SLC9C1: variants seen among roughly 807,000 people sequenced by gnomAD.
The protein encoded by SLC9C1 is solute carrier family 9 member C1.
A neutral mutation model predicts 140.9 loss-of-function variants in SLC9C1; 97 were observed. That is an observed-to-expected ratio of 0.69 (90% CI 0.58 to 0.82). The LOEUF (loss-of-function observed/expected upper bound fraction) is 0.82, where lower values mean the gene tolerates loss of function less well. Among genes scored for constraint, SLC9C1 ranks in the 40% least tolerant of loss-of-function variants. The probability of loss-of-function intolerance (pLI) is 0.00; values close to 1 mark genes in which losing one functional copy is unlikely to be tolerated. For synonymous variants in SLC9C1, 440 were observed against 442.6 expected (o/e 0.99, Z 0.07); for missense variants, 1,340 against 1,389.3 (o/e 0.96, Z 0.56).
chr3:112,181,902 T>C (rs542933531), intron 21 of SLC9C1, among the ~76,000 whole-genome samples: 1 of 151,950 alleles, frequency 6.6e-6, no homozygotes, highest in Non-Finnish European at 1.5e-5. Flanking sequence ...TCAGTATAAA[T>C]AGAGTATAGA....
At chr3:112,155,471 G>T (rs1400247303) in intron 26 of SLC9C1, among the ~76,000 whole-genome samples, 3 of 152,234 alleles carry the variant, frequency 2.0e-5, no homozygotes, top group Middle Eastern at 6.8e-3. Flanking sequence ...GTAAAAACAG[G>T]ACTGTGTGTA....
chr3:112,177,106 A>C (rs1244564420), intron 23 of SLC9C1, among the ~76,000 whole-genome samples: 1 of 148,418 alleles, frequency 6.7e-6, no homozygotes, highest in East Asian at 2.0e-4. Flanking sequence ...TCCTGGGTTC[A>C]AGTGATTCTC....
chr3:112,161,410 C>T (rs1164791362), intron 26 of SLC9C1, among the ~76,000 whole-genome samples: 6 of 152,138 alleles, frequency 3.9e-5, no homozygotes, highest in Admixed American at 2.6e-4. Flanking sequence ...TTAGGTCTAA[C>T]GTTTAAGTCT....
At chr3:112,161,934 C>G (rs1239406634) in intron 26 of SLC9C1, among the ~76,000 whole-genome samples, 2 of 151,696 alleles carry the variant, frequency 1.3e-5, no homozygotes, top group African/African-American at 4.9e-5. Flanking sequence ...TTTGTATCCT[C>G]TTTTATTTCC....
chr3:112,283,876 C>A (rs936170458), intron 2 of SLC9C1, among the ~76,000 whole-genome samples: 1 of 147,532 alleles, frequency 6.8e-6, no homozygotes, highest in African/African-American at 2.5e-5. Context: ...GCATCATGAT[C>A]GGTCGCCTAT....
At chr3:112,225,762 C>G (rs1405664679) in intron 13 of SLC9C1, among the ~76,000 whole-genome samples, 1 of 63,320 alleles carries the variant, frequency 1.6e-5, no homozygotes, top group African/African-American at 4.8e-5. Flanking sequence ...CAAAAATGAT[C>G]AGGAGTAGTT....
At position 112,179,461 on chromosome 3, in the gene SLC9C1, A is replaced by G. The variant is rs564375215; in HGVS notation, c.2919+70T>C. The G allele has an allele frequency of 2.7e-6, 4 of 1,481,832 alleles. No individual in the cohort carries two copies. The African/African-American group carries it at 5.8e-5, about 21-fold the overall frequency. 91.8% of individuals were successfully genotyped at this position (1,481,832 alleles called of 1,614,324 possible). On this transcript the variant is annotated intron_variant, in intron 23 of 28. Transcript: ENST00000305815. ...ACTAGACTGTAAACTTATACTAAAT[A>G]CTAAAATAACCTTAAATCTGATATT...
chr3:112,288,510 A>G (rs905440435), intron 1 of SLC9C1, among the ~76,000 whole-genome samples: 3 of 152,200 alleles, frequency 2.0e-5, no homozygotes, highest in Non-Finnish European at 2.9e-5. Context: ...TAATCCCAAC[A>G]TTTTGGGAGG....
intron 10 of SLC9C1, among the ~76,000 whole-genome samples, chr3:112,259,777 G>C (rs1291163631): frequency 6.6e-6 from 1 of 151,982 alleles, no homozygotes; most frequent in African/African-American, 2.4e-5. Context: ...CTAAAATAAA[G>C]TTTTACAAAA....
At chr3:112,169,174 A>G (rs1248175287) in intron 24 of SLC9C1, 23 bp downstream of exon 24, 1 of 1,600,370 alleles carries the variant, frequency 6.2e-7, no homozygotes, top group Non-Finnish European at 8.5e-7. Flanking sequence ...AAAGAAAGAC[A>G]AGTTTATACA....
chr3:112,183,017 C>T (rs1195196965), intron 20 of SLC9C1, among the ~76,000 whole-genome samples: 1 of 152,170 alleles, frequency 6.6e-6, no homozygotes, highest in Non-Finnish European at 1.5e-5. Context: ...TGTTGATTGA[C>T]ATTTAGATTG....
At chr3:112,250,258 C>T (rs2079414927) in intron 10 of SLC9C1, among the ~76,000 whole-genome samples, 1 of 151,918 alleles carries the variant, frequency 6.6e-6, no homozygotes, top group African/African-American at 2.4e-5. Context: ...TTTTTTATGG[C>T]TGCATAGTAT....
chr3:112,141,242 T>C lies in SLC9C1; in HGVS notation c.*30A>G. 1 of 1,571,832 alleles carries C rather than the reference T, an allele frequency of 6.4e-7. No homozygotes were observed. Among genetic ancestry groups the C allele is most frequent in the South Asian group, 1.2e-5 (1 of 84,312 alleles). On this transcript the variant is annotated 3_prime_UTR_variant, in exon 29 of 29. Transcript: ENST00000305815. Reference sequence around the variant, plus strand: ...CAGGAGGCCTCTCATAGCCACAGCATTAATACATGCTTCGGTCTTCTTAAC... The same window carrying C: ...CAGGAGGCCTCTCATAGCCACAGCACTAATACATGCTTCGGTCTTCTTAAC...
intron 15 of SLC9C1, among the ~76,000 whole-genome samples, chr3:112,213,792 A>C (rs2078276613): frequency 6.6e-6 from 1 of 152,226 alleles, no homozygotes. Context: ...AACATTGGAC[A>C]GAACAACGAG....
At chr3:112,235,831 G>A (rs573927683) in intron 12 of SLC9C1, among the ~76,000 whole-genome samples, 89 of 152,264 alleles carry the variant, frequency 5.8e-4, no homozygotes, top group African/African-American at 2.0e-3. Context: ...ACTTGATCAT[G>A]GTGGATAAGC....
chr3:112,242,681 A>G (rs902464032), intron 11 of SLC9C1, among the ~76,000 whole-genome samples: 18 of 152,182 alleles, frequency 1.2e-4, no homozygotes, highest in Non-Finnish European at 2.5e-4. Flanking sequence ...AAAGAGCACA[A>G]TTGGATTGTT....
At position 112,158,855 on chromosome 3, in the gene SLC9C1, G is replaced by T. The variant is rs758501123; in HGVS notation, c.3365-3806C>A. On this transcript the variant is annotated intron_variant, in intron 26 of 28. Coordinates refer to ENST00000305815, the MANE Select transcript of SLC9C1 (RefSeq NM_183061.3). ...TGATCCTTTGTATTTCTGTGGTATCGGTTGCAATCTTTACTTTTTAACTTC... is the reference window on the plus strand; with the variant it reads ...TGATCCTTTGTATTTCTGTGGTATCTGTTGCAATCTTTACTTTTTAACTTC... 4.6e-5 allele frequency among the ~76,000 whole-genome samples: 7 copies of T among 151,468 alleles called. 1 individual carries two copies. Among genetic ancestry groups the T allele is most frequent in the Non-Finnish European group, 7.4e-5 (5 of 67,740 alleles).
intron 25 of SLC9C1, among the ~76,000 whole-genome samples, 163 bp from the exon 26 acceptor site, chr3:112,167,510 A>G (rs4682363): frequency 1 from 151,788 of 152,254 alleles, 75,663 homozygotes; most frequent in Middle Eastern, 1. Flanking sequence ...ACTTGGATAT[A>G]TTGGTTTTGT....
At chr3:112,142,016 G>T (rs141608144) in intron 28 of SLC9C1, among the ~76,000 whole-genome samples, 97 of 152,166 alleles carry the variant, frequency 6.4e-4, no homozygotes, top group African/African-American at 2.2e-3. Context: ...GGGCTCTTTC[G>T]TCATTAGAAG....
Sources: gnomAD v4.1 joint callset for allele counts (sites outside exome capture counted in the v4.1 genomes callset) on GRCh38, gnomAD v4.1.1 for gene constraint, MANE v1.5 for transcripts, NCBI Gene and HGNC (gene_info 2026-07-23, HGNC 2026-07-21) for gene names.